C2CD5: variants seen among roughly 807,000 people sequenced by gnomAD.
The protein encoded by C2CD5 is C2 calcium dependent domain containing 5, also known as C2 domain-containing protein 5.
A neutral mutation model predicts 130.3 loss-of-function variants in C2CD5; 109 were observed. That is an observed-to-expected ratio of 0.84 (90% CI 0.72 to 0.98). The LOEUF is 0.98. Among genes scored for constraint, C2CD5 ranks in the 50% least tolerant of loss-of-function variants. C2CD5 has a pLI of 0.00. For missense variants in C2CD5, 996 were observed against 1,261.8 expected (o/e 0.79, Z 3.19); for synonymous variants, 454 against 429.2 (o/e 1.06, Z -0.71).
intron 3 of C2CD5, among the ~76,000 whole-genome samples, chr12:22,529,402 C>T (rs1331426414): frequency 1.3e-5 from 2 of 152,108 alleles, no homozygotes; most frequent in Non-Finnish European, 2.9e-5. Context: ...ACTTATTTAA[C>T]CACCTGTACA....
At chr12:22,506,609 A>T in intron 10 of C2CD5, 102 bp downstream of exon 10, 3 of 704,132 alleles carry the variant, frequency 4.3e-6, no homozygotes, top group Non-Finnish European at 7.6e-6. Context: ...CTTTCTTTTC[A>T]TTTCTCTTTT....
chr12:22,544,276 G>T (rs535098327), intron 1 of C2CD5, 44 bp downstream of exon 1: 2 of 732,094 alleles, frequency 2.7e-6, no homozygotes, highest in Non-Finnish European at 4.2e-6. Context: ...GCGCGCGGGG[G>T]CGCGCGCGGG....
At position 22,484,732 on chromosome 12, in the gene C2CD5, T is replaced by G. The variant is rs201633933; in HGVS notation, c.1515A>C (p.Ala505=). The change falls in exon 13 of 27, where the codon GCA becomes GCC. Residue 505 remains alanine (A), a synonymous_variant. Transcript: ENST00000446597. ...TAAGACAACCTTTTCCAATAACTGTTGCATCTGTTGGGAGGTCTATAGTTG... is the reference window on the plus strand; with the variant it reads ...TAAGACAACCTTTTCCAATAACTGTGGCATCTGTTGGGAGGTCTATAGTTG... ...LFTTIDLPTD[A]TVIGKGCLIQ... 3.8e-6 allele frequency: 6 copies of G among 1,595,234 alleles called. No homozygotes were observed. In the African/African-American group the frequency reaches 8.1e-5, roughly 22 times the overall value.
chr12:22,494,193 C>T lies in C2CD5; in HGVS notation c.1148-856G>A, dbSNP rs191034323. ...CATTTTATGTACAATGTGTTAAAAACAGAAAGTCTATAATTAGCATATCAT... is the reference window on the plus strand; with the variant it reads ...CATTTTATGTACAATGTGTTAAAAATAGAAAGTCTATAATTAGCATATCAT... On this transcript the variant is annotated intron_variant, in intron 10 of 26. Transcript: ENST00000446597. Among the ~76,000 whole-genome samples, 188 of 151,908 alleles carry T rather than the reference C, an allele frequency of 1.2e-3. 1 individual carries two copies. The highest frequency in any genetic ancestry group is 4.4e-3 in the African/African-American group (181 of 41,510).
At chr12:22,498,868 C>A (rs2136574103) in intron 10 of C2CD5, among the ~76,000 whole-genome samples, 1 of 152,186 alleles carries the variant, frequency 6.6e-6, no homozygotes, top group East Asian at 1.9e-4. Flanking sequence ...TAAACAATTA[C>A]ATTTTGATAC....
chr12:22,453,968 T>G lies in C2CD5; in HGVS notation c.2952A>C (p.Ala984=). ...AGGAGACAACAGCATTCCCTCCTAA[T>G]GCAGCAACATGAGCTCTCACCATTG... The part of the protein sequence containing the change: ...VFAMVRAHVA[A]LGGNAVVSYI... Residue 984 remains alanine (A), a synonymous_variant, in exon 26 of 27, where the codon GCA becomes GCC. Coordinates refer to ENST00000446597, the MANE Select transcript of C2CD5 (RefSeq NM_001286176.2). 6.2e-7 allele frequency: 1 copy of G among 1,613,554 alleles called. No individual in the cohort carries two copies. Among genetic ancestry groups the G allele is most frequent in the South Asian group, 1.1e-5 (1 of 91,068 alleles).
chr12:22,527,404 C>T (rs1259294683), intron 4 of C2CD5, among the ~76,000 whole-genome samples: 8 of 150,088 alleles, frequency 5.3e-5, no homozygotes, highest in East Asian at 3.9e-4. Context: ...CCACAACCTC[C>T]GCCTCCCGGG....
chr12:22,514,254 G>A (rs946181543), intron 8 of C2CD5, among the ~76,000 whole-genome samples: 1 of 151,990 alleles, frequency 6.6e-6, no homozygotes. Context: ...TTACCACAAC[G>A]ACTTAAAAAG....
chr12:22,457,676 A>G (rs1940211650), intron 24 of C2CD5, among the ~76,000 whole-genome samples: 1 of 152,180 alleles, frequency 6.6e-6, no homozygotes, highest in African/African-American at 2.4e-5. Flanking sequence ...GACCTCTGCT[A>G]GCTAAAAGTT....
intron 13 of C2CD5, 78 bp downstream of exon 13, chr12:22,484,619 C>T (rs1192831157): frequency 1.4e-6 from 1 of 704,350 alleles, no homozygotes; most frequent in African/African-American, 1.8e-5. Flanking sequence ...AACAGTAAAG[C>T]TGACACTTAA....
chr12:22,478,267 A>T, intron 15 of C2CD5, 46 bp downstream of exon 15: 1 of 1,491,810 alleles, frequency 6.7e-7, no homozygotes, highest in South Asian at 1.1e-5. Flanking sequence ...AAATATACTA[A>T]TAAACAATAA....
chr12:22,450,524 T>G (rs1370977114), intron 26 of C2CD5, among the ~76,000 whole-genome samples: 1 of 152,118 alleles, frequency 6.6e-6, no homozygotes, highest in Non-Finnish European at 1.5e-5. Flanking sequence ...TGGGTAAATC[T>G]TATGATAAAT....
intron 4 of C2CD5, among the ~76,000 whole-genome samples, chr12:22,527,509 G>C (rs1395744102): frequency 2.0e-5 from 3 of 151,382 alleles, no homozygotes; most frequent in Middle Eastern, 3.4e-3. Context: ...GTAGAGACGG[G>C]GTTTCTCCAT....
intron 2 of C2CD5, among the ~76,000 whole-genome samples, chr12:22,536,735 T>C (rs944877078): frequency 3.3e-5 from 5 of 152,158 alleles, no homozygotes; most frequent in Admixed American, 1.3e-4. Context: ...AAGGGACTGA[T>C]AGGGTGTAGG....
intron 26 of C2CD5, among the ~76,000 whole-genome samples, chr12:22,451,719 T>C (rs750054828): frequency 6.6e-6 from 1 of 152,018 alleles, no homozygotes; most frequent in African/African-American, 2.4e-5. Flanking sequence ...CACAGTTCAT[T>C]TGGAAAACCA....
chr12:22,471,046 T>C (rs375052289), intron 20 of C2CD5, 135 bp from the exon 21 acceptor site: 7 of 623,416 alleles, frequency 1.1e-5, no homozygotes, highest in South Asian at 8.0e-5. Flanking sequence ...CAGAATTATG[T>C]ATAAATTCAA....
intron 14 of C2CD5, among the ~76,000 whole-genome samples, chr12:22,481,264 A>T (rs952665201): frequency 5.3e-5 from 8 of 152,234 alleles, no homozygotes; most frequent in Admixed American, 1.3e-4. Context: ...AACAGGAAAC[A>T]AATGTGCATC....
At chr12:22,484,262 T>A (rs1945153528) in intron 13 of C2CD5, 1 of 153,034 alleles carries the variant, frequency 6.5e-6, no homozygotes, top group African/African-American at 2.4e-5. Context: ...AGTTCCCCAA[T>A]TAGGATTTCC....
intron 11 of C2CD5, among the ~76,000 whole-genome samples, chr12:22,490,454 A>G (rs1417263736): frequency 6.6e-6 from 1 of 152,186 alleles, no homozygotes; most frequent in African/African-American, 2.4e-5. Flanking sequence ...AGATAAAAGT[A>G]TTAATATTAA....
Sources: allele counts gnomAD v4.1 joint callset (sites outside exome capture counted in the v4.1 genomes callset), GRCh38; gene constraint gnomAD v4.1.1; transcripts MANE v1.5; gene names NCBI Gene and HGNC (gene_info 2026-07-23, HGNC 2026-07-21).